CDCP1: variants seen among roughly 807,000 people sequenced by gnomAD.
CDCP1 encodes CUB domain containing protein 1.
In CDCP1, 29 loss-of-function variants were observed where a neutral mutation model predicts 60.2. That is an observed-to-expected ratio of 0.48 (90% CI 0.36 to 0.66). The LOEUF is 0.66. Ranked by LOEUF, CDCP1 falls within the 30% of genes least tolerant of loss-of-function variation. CDCP1 has a pLI of 0.00. For missense variants in CDCP1, 876 were observed against 1,074.3 expected, an observed-to-expected ratio of 0.82 and a Z score of 2.58; for synonymous variants, 387 against 431.1, an observed-to-expected ratio of 0.90 and a Z score of 1.27.
At chr3:45,134,422 C>T (rs1699159494) in intron 1 of CDCP1, among the ~76,000 whole-genome samples, 1 of 152,232 alleles carries the variant, frequency 6.6e-6, no homozygotes, top group Admixed American at 6.5e-5. Context: ...CCGCGCCCGG[C>T]CCAGATCTAC....
At chr3:45,122,644 G>A (rs1299503782) in intron 1 of CDCP1, among the ~76,000 whole-genome samples, 1 of 151,606 alleles carries the variant, frequency 6.6e-6, no homozygotes, top group Non-Finnish European at 1.5e-5. Flanking sequence ...AGTAAAGAGG[G>A]GGTTTCACCA....
chr3:45,101,463 G>A (rs1460921497), intron 4 of CDCP1, among the ~76,000 whole-genome samples: 3 of 152,174 alleles, frequency 2.0e-5, no homozygotes, highest in African/African-American at 4.8e-5. Flanking sequence ...ACAAGAAATT[G>A]TGTGGGCCCT....
chr3:45,141,763 G>C (rs1364387928), intron 1 of CDCP1, among the ~76,000 whole-genome samples: 2 of 152,282 alleles, frequency 1.3e-5, no homozygotes, highest in Admixed American at 1.3e-4. Context: ...ACAAGGTTGT[G>C]GGAAGTGGTT....
At chr3:45,095,316 C>T in intron 5 of CDCP1, 31 bp downstream of exon 5, 6 of 1,597,412 alleles carry the variant, frequency 3.8e-6, no homozygotes, top group Non-Finnish European at 5.1e-6. Context: ...TATCCATGGC[C>T]AGGGACAAAT....
chr3:45,134,782 G>T (rs538129527), intron 1 of CDCP1, among the ~76,000 whole-genome samples: 1 of 152,222 alleles, frequency 6.6e-6, no homozygotes, highest in South Asian at 2.1e-4. Flanking sequence ...CACACTCCAG[G>T]AGATCTTTGG....
chr3:45,082,408 C>T lies in CDCP1; in HGVS notation c.*3230G>A, dbSNP rs1049507587. The T allele has an allele frequency of 3.9e-5, 6 of 152,192 alleles. No homozygotes were observed. The highest frequency in any genetic ancestry group is 8.8e-5 in the Non-Finnish European group (6 of 68,050). 9.4% of individuals were successfully genotyped at this position (152,192 alleles called of 1,614,324 possible). On this transcript the variant is annotated 3_prime_UTR_variant, in exon 9 of 9. Transcript: ENST00000296129. ...TTTCTGTATCATCCACAAATTAAGA[C>T]AGCATCTGCTGAGCCCATGCTGAGC...
At chr3:45,140,868 A>G (rs901400116) in intron 1 of CDCP1, among the ~76,000 whole-genome samples, 2 of 152,246 alleles carry the variant, frequency 1.3e-5, no homozygotes, top group Non-Finnish European at 2.9e-5. Flanking sequence ...TTATGTGCAG[A>G]AAGTCTTTAC....
At chr3:45,124,457 G>C (rs1310261600) in intron 1 of CDCP1, among the ~76,000 whole-genome samples, 1 of 152,096 alleles carries the variant, frequency 6.6e-6, no homozygotes, top group Admixed American at 6.6e-5. Context: ...GCTCAGCCTA[G>C]GCACCAGGAG....
At chr3:45,125,573 T>C (rs933867181) in intron 1 of CDCP1, among the ~76,000 whole-genome samples, 2 of 152,220 alleles carry the variant, frequency 1.3e-5, no homozygotes, top group African/African-American at 4.8e-5. Context: ...TTAGTATTGT[T>C]GATATTATCA....
rs765060175 is a variant in CDCP1, at chr3:45,112,339, C to G, written c.399G>C (p.Lys133Asn). The G allele has an allele frequency of 1.9e-6, 3 of 1,614,110 alleles. No individual in the cohort carries two copies. The highest frequency in any genetic ancestry group is 2.5e-6 in the Non-Finnish European group (3 of 1,180,040). ...RTFIWDVKAH[K>N]SIGLELQFSI... ...AAAACTGCAGCTCTAAACCGATGCTCTTATGAGCTTTGACATCCCAGATGA... is the reference window on the plus strand; with the variant it reads ...AAAACTGCAGCTCTAAACCGATGCTGTTATGAGCTTTGACATCCCAGATGA... Residue 133 changes from lysine (K) to asparagine (N), a missense_variant, in exon 3 of 9, where the codon AAG becomes AAC. By Grantham distance (94) the Lys-to-Asn change is moderately conservative. This residue lies in a region of CDCP1 where 726 missense variants were observed against 935.7 expected (regional missense o/e 0.78). Transcript: ENST00000296129.
chr3:45,103,803 G>A (rs1298935231), intron 4 of CDCP1, among the ~76,000 whole-genome samples: 1 of 152,224 alleles, frequency 6.6e-6, no homozygotes, highest in Non-Finnish European at 1.5e-5. Context: ...GCTCTCACCA[G>A]AAGCTGAGCA....
chr3:45,124,146 T>C (rs1380495192), intron 1 of CDCP1, among the ~76,000 whole-genome samples: 1 of 152,168 alleles, frequency 6.6e-6, no homozygotes, highest in Non-Finnish European at 1.5e-5. Context: ...TTAATCACCA[T>C]ATCACACATC....
intron 4 of CDCP1, among the ~76,000 whole-genome samples, chr3:45,098,328 A>G (rs907805038): frequency 6.6e-6 from 1 of 152,146 alleles, no homozygotes; most frequent in African/African-American, 2.4e-5. Flanking sequence ...CCTCCTGAGT[A>G]TCTGTGAAAC....
intron 8 of CDCP1, 65 bp from the exon 9 acceptor site, chr3:45,086,132 T>TCTAGCAGGGCCATAGCA: frequency 2.2e-6 from 3 of 1,383,262 alleles, no homozygotes; most frequent in Non-Finnish European, 3.0e-6. Context: ...GTACCATTGC[T>TCTAGCAGGGCCATAGCA]ATGGCCCTGC....
Position 45,112,068 on chromosome 3 carries a change from G to A in CDCP1, c.655+15C>T. On this transcript the variant is annotated intron_variant, in intron 3 of 8. Coordinates refer to ENST00000296129, the MANE Select transcript of CDCP1 (RefSeq NM_022842.5). ...TGTTTTAACCTAATCAGATAGCAGG[G>A]AGGGGCTTTCTCACGTTTTATAGAT... 1 of 1,608,914 alleles carries A rather than the reference G, an allele frequency of 6.2e-7. No homozygotes were observed. Among genetic ancestry groups the A allele is most frequent in the South Asian group, 1.1e-5 (1 of 90,898 alleles).
At chr3:45,116,421 A>G (rs1698791391) in intron 2 of CDCP1, among the ~76,000 whole-genome samples, 3 of 151,450 alleles carry the variant, frequency 2.0e-5, no homozygotes, top group Admixed American at 2.0e-4. Flanking sequence ...CGTTAAAAAA[A>G]AAAAGACATT....
At chr3:45,088,878 C>A (rs1313466896) in intron 8 of CDCP1, among the ~76,000 whole-genome samples, 176 bp downstream of exon 8, 1 of 151,004 alleles carries the variant, frequency 6.6e-6, no homozygotes, top group Non-Finnish European at 1.5e-5. Flanking sequence ...CACCCCCAGG[C>A]ATGGGATTTT....
At chr3:45,093,205 G>A (rs1698326416) in intron 6 of CDCP1, 72 bp downstream of exon 6, 3 of 1,515,742 alleles carry the variant, frequency 2.0e-6, no homozygotes, top group Admixed American at 2.0e-5. Flanking sequence ...ACTTAATTAA[G>A]GTGATCACAA....
chr3:45,095,046 G>T (rs993816375), intron 5 of CDCP1, among the ~76,000 whole-genome samples: 1 of 151,558 alleles, frequency 6.6e-6, no homozygotes, highest in Non-Finnish European at 1.5e-5. Context: ...CCATTCTCCT[G>T]CTTCAGCCTT....
Sources: gnomAD v4.1 joint callset for allele counts (sites outside exome capture counted in the v4.1 genomes callset) on GRCh38, gnomAD v4.1.1 for gene constraint, gnomAD v4.1.1 regional missense constraint, MANE v1.5 for transcripts, NCBI Gene and HGNC (gene_info 2026-07-23, HGNC 2026-07-21) for gene names.